Variants in GRIN2A observed in about 807,000 individuals in gnomAD.
GRIN2A encodes glutamate ionotropic receptor NMDA type subunit 2A, also known as glutamate receptor ionotropic, NMDA 2A.
In GRIN2A, 22 loss-of-function variants were observed where a neutral mutation model predicts 113.4. The ratio of observed to expected loss-of-function variants is 0.19; its 90% CI spans 0.14 to 0.28. The LOEUF (loss-of-function observed/expected upper bound fraction) is 0.28, where lower values mean the gene tolerates loss of function less well. Ranked by LOEUF, GRIN2A falls within the 10% of genes least tolerant of loss-of-function variation. GRIN2A has a pLI of 1.00. For synonymous variants in GRIN2A, 827 were observed against 738.4 expected (o/e 1.12, Z -1.94); for missense variants, 1,502 against 1,887.0 (o/e 0.80, Z 3.78).
chr16:10,056,524 T>C (rs1268761439), intron 2 of GRIN2A, among the ~76,000 whole-genome samples: 1 of 152,130 alleles, frequency 6.6e-6, no homozygotes, highest in Non-Finnish European at 1.5e-5. Flanking sequence ...CCTTCAAAAA[T>C]TCATGCTCAC....
At chr16:10,175,180 A>C (rs2050118067) in intron 2 of GRIN2A, among the ~76,000 whole-genome samples, 1 of 152,182 alleles carries the variant, frequency 6.6e-6, no homozygotes, top group Non-Finnish European at 1.5e-5. Flanking sequence ...GTGTAAGTGC[A>C]CTCTGTGATG....
At chr16:9,900,452 T>C (rs1028600093) in intron 3 of GRIN2A, among the ~76,000 whole-genome samples, 2 of 152,178 alleles carry the variant, frequency 1.3e-5, no homozygotes, top group African/African-American at 4.8e-5. Context: ...ATGCTGTCTT[T>C]TGTAATACAA....
intron 2 of GRIN2A, among the ~76,000 whole-genome samples, chr16:10,050,208 C>T (rs2047333883): frequency 6.6e-6 from 1 of 152,142 alleles, no homozygotes. Context: ...GAAGATGCTA[C>T]ACTTCTAGCC....
chr16:9,818,480 A>T (rs2042224695), intron 10 of GRIN2A, among the ~76,000 whole-genome samples: 2 of 152,154 alleles, frequency 1.3e-5, no homozygotes, highest in Non-Finnish European at 2.9e-5. Flanking sequence ...CAAAAAAGAT[A>T]AAATCTGCAT....
chr16:10,058,838 ATGTGG>A (rs1238708794), intron 2 of GRIN2A, among the ~76,000 whole-genome samples: 2 of 152,240 alleles, frequency 1.3e-5, no homozygotes, highest in African/African-American at 4.8e-5. Flanking sequence ...AAAAAGACAG[ATGTGG>A]TGTCTTCCCT....
At chr16:9,898,704 G>C (rs1236177569) in intron 3 of GRIN2A, among the ~76,000 whole-genome samples, 2 of 150,398 alleles carry the variant, frequency 1.3e-5, no homozygotes, top group Non-Finnish European at 3.0e-5. Flanking sequence ...TTCTTCGTTT[G>C]TCATTTAATT....
chr16:10,092,797 A>T (rs1342002269), intron 2 of GRIN2A, among the ~76,000 whole-genome samples: 1 of 151,626 alleles, frequency 6.6e-6, no homozygotes, highest in Non-Finnish European at 1.5e-5. Context: ...CATCTCATGT[A>T]CTCAGAGGCA....
intron 2 of GRIN2A, among the ~76,000 whole-genome samples, chr16:9,946,415 A>G (rs1033912467): frequency 6.6e-6 from 1 of 152,152 alleles, no homozygotes; most frequent in Non-Finnish European, 1.5e-5. Flanking sequence ...GCACAAGGAA[A>G]CAGCTTTATT....
At position 9,870,975 on chromosome 16, in the gene GRIN2A, C is replaced by T. The variant is rs377280076; in HGVS notation, c.1122+20011G>A. ...AAATTTAAGGACTATTCTCATGTCT[C>T]TTTTCCAATGTCATTTTGGCCTCTG... On this transcript the variant is annotated intron_variant, in intron 4 of 12. Transcript: ENST00000330684. Among the ~76,000 whole-genome samples, 202 of 152,270 alleles carry T rather than the reference C, an allele frequency of 1.3e-3. 2 individuals are homozygous for T. The highest frequency in any genetic ancestry group is 4.5e-3 in the African/African-American group (187 of 41,558).
At chr16:10,075,120 T>G (rs2047843238) in intron 2 of GRIN2A, among the ~76,000 whole-genome samples, 1 of 152,112 alleles carries the variant, frequency 6.6e-6, no homozygotes, top group Admixed American at 6.5e-5. Context: ...GGACTTTGCA[T>G]GGGTCCTCTC....
At chr16:9,909,830 C>T (rs545620694) in intron 3 of GRIN2A, among the ~76,000 whole-genome samples, 9 of 152,272 alleles carry the variant, frequency 5.9e-5, no homozygotes, top group East Asian at 5.8e-4. Context: ...CTTAAGAAGA[C>T]GCTATGGTGG....
At position 9,753,460 on chromosome 16, in the gene GRIN2A, C is replaced by T. The variant is rs1426948878; in HGVS notation, c.*9689G>A. On this transcript the variant is annotated 3_prime_UTR_variant, in exon 13 of 13. Coordinates refer to ENST00000330684, the MANE Select transcript of GRIN2A (RefSeq NM_001134407.3). ...ATCTTTATTAGAAAAATGAAATTTT[C>T]CTGTATTTACATTTTTACACCATAT... 5.0e-6 allele frequency: 1 copy of T among 198,738 alleles called. No individual in the cohort carries two copies. Among genetic ancestry groups the T allele is most frequent in the Non-Finnish European group, 1.0e-5 (1 of 96,150 alleles). The allele number at this position is 198,738 out of a possible 1,614,324, so 12.3% of individuals were successfully genotyped here.
chr16:10,023,383 T>C (rs1262890067), intron 2 of GRIN2A, among the ~76,000 whole-genome samples: 2 of 152,252 alleles, frequency 1.3e-5, no homozygotes, highest in East Asian at 1.9e-4. Flanking sequence ...TACATTCAGG[T>C]GTGGTTTTTA....
At chr16:9,971,860 T>C (rs1410803737) in intron 2 of GRIN2A, among the ~76,000 whole-genome samples, 1 of 152,038 alleles carries the variant, frequency 6.6e-6, no homozygotes, top group Non-Finnish European at 1.5e-5. Flanking sequence ...AAATAGCCAG[T>C]AGATTTCACA....
At chr16:9,912,230 T>C (rs1347505567) in intron 3 of GRIN2A, among the ~76,000 whole-genome samples, 1 of 151,972 alleles carries the variant, frequency 6.6e-6, no homozygotes, top group East Asian at 1.9e-4. Context: ...ATGGCAATGA[T>C]GATAGATAAT....
chr16:10,110,542 G>A (rs915471397), intron 2 of GRIN2A, among the ~76,000 whole-genome samples: 1 of 152,234 alleles, frequency 6.6e-6, no homozygotes, highest in African/African-American at 2.4e-5. Context: ...GGGAGTGATG[G>A]CGCCAGCCAG....
At chr16:10,124,052 CCA>C (rs1017852694) in intron 2 of GRIN2A, among the ~76,000 whole-genome samples, 4 of 152,222 alleles carry the variant, frequency 2.6e-5, no homozygotes, top group Admixed American at 2.0e-4. Context: ...AGAATAGTCT[CCA>C]GAGACAGATG....
At chr16:9,896,700 CAG>C (rs1056181925) in intron 3 of GRIN2A, among the ~76,000 whole-genome samples, 13 of 152,182 alleles carry the variant, frequency 8.5e-5, no homozygotes, top group African/African-American at 2.9e-4. Flanking sequence ...AAACCTCTAA[CAG>C]AAATTTCTGC....
intron 2 of GRIN2A, among the ~76,000 whole-genome samples, chr16:9,951,432 A>G (rs1247088511): frequency 6.6e-6 from 1 of 152,208 alleles, no homozygotes; most frequent in East Asian, 1.9e-4. Context: ...CTAAATTCTC[A>G]TGGGTGCATT....
Sources: allele counts gnomAD v4.1 joint callset (sites outside exome capture counted in the v4.1 genomes callset), GRCh38; gene constraint gnomAD v4.1.1; transcripts MANE v1.5; gene names NCBI Gene and HGNC (gene_info 2026-07-23, HGNC 2026-07-21).